Variants in NXN observed in about 807,000 individuals in gnomAD.
NXN encodes the protein nucleoredoxin.
In NXN, 16 loss-of-function variants were observed where a neutral mutation model predicts 48.6. That is an observed-to-expected ratio of 0.33 (90% CI 0.22 to 0.50). The LOEUF is 0.50. Ranked by LOEUF, NXN falls within the 20% of genes least tolerant of loss-of-function variation. The pLI, the probability that NXN is intolerant of heterozygous loss-of-function variation, is 0.98. For missense variants in NXN, 492 were observed against 605.5 expected, an observed-to-expected ratio of 0.81 and a Z score of 1.97; for synonymous variants, 281 against 269.6, an observed-to-expected ratio of 1.04 and a Z score of -0.41.
At chr17:947,247 G>A (rs890465964) in intron 1 of NXN, among the ~76,000 whole-genome samples, 18 of 152,182 alleles carry the variant, frequency 1.2e-4, no homozygotes, top group African/African-American at 3.6e-4. Flanking sequence ...GGTCACAAGC[G>A]TGACGGGGAC....
chr17:833,962 G>A (rs987123076), intron 1 of NXN, among the ~76,000 whole-genome samples: 6 of 152,230 alleles, frequency 3.9e-5, no homozygotes, highest in African/African-American at 1.4e-4. Flanking sequence ...CAGAGCTCAT[G>A]CCTTCAGGAT....
intron 1 of NXN, among the ~76,000 whole-genome samples, chr17:969,530 C>T (rs1270249518): frequency 2.0e-5 from 3 of 152,204 alleles, no homozygotes; most frequent in East Asian, 3.9e-4. Context: ...CACGCCTATT[C>T]GGGGCTCCGG....
At chr17:946,458 C>A (rs1456536596) in intron 1 of NXN, among the ~76,000 whole-genome samples, 1 of 152,232 alleles carries the variant, frequency 6.6e-6, no homozygotes, top group Non-Finnish European at 1.5e-5. Flanking sequence ...TGAGCCACCA[C>A]ACCCGGCCAA....
chr17:971,302 T>C (rs2069375226), intron 1 of NXN, among the ~76,000 whole-genome samples: 1 of 152,092 alleles, frequency 6.6e-6, no homozygotes, highest in Non-Finnish European at 1.5e-5. Flanking sequence ...AGTCAAGCTT[T>C]TTCCTATTTT....
chr17:969,301 C>A (rs2069344109), intron 1 of NXN, among the ~76,000 whole-genome samples: 1 of 152,188 alleles, frequency 6.6e-6, no homozygotes, highest in Non-Finnish European at 1.5e-5. Flanking sequence ...AATTCCAGAA[C>A]TGGCCCCAAA....
intron 1 of NXN, among the ~76,000 whole-genome samples, chr17:921,744 G>C (rs374641385): frequency 7.7e-6 from 1 of 129,800 alleles, no homozygotes; most frequent in Non-Finnish European, 1.6e-5. Context: ...GACAACACCT[G>C]GCCGGCCCAG....
At chr17:834,232 G>C (rs544578021) in intron 1 of NXN, among the ~76,000 whole-genome samples, 2 of 152,294 alleles carry the variant, frequency 1.3e-5, no homozygotes, top group East Asian at 3.9e-4. Context: ...TGAGGTAAGA[G>C]GATGCTTTGA....
Position 800,831 on chromosome 17 carries a change from G to T in NXN, c.*118C>A. The T allele has an allele frequency of 1.7e-6, 1 of 602,398 alleles. No individual in the cohort carries two copies. Among genetic ancestry groups the T allele is most frequent in the Non-Finnish European group, 2.5e-6 (1 of 393,074 alleles). The allele number at this position is 602,398 out of a possible 1,614,324, so 37.3% of individuals were successfully genotyped here. A position where few individuals can be genotyped will look rare whatever the true frequency, so the allele number is the denominator to read the frequency against. On this transcript the variant is annotated 3_prime_UTR_variant, in exon 8 of 8. Transcript: ENST00000336868. ...CTGCAGAAACAAGGCACCACAGAGA[G>T]GCTGGACACTTGGGTGGTGGGATTC...
chr17:898,253 T>A (rs1293353126), intron 1 of NXN, among the ~76,000 whole-genome samples: 1 of 152,144 alleles, frequency 6.6e-6, no homozygotes, highest in Non-Finnish European at 1.5e-5. Flanking sequence ...CCCCCAAGAC[T>A]GGACAAACAA....
intron 1 of NXN, among the ~76,000 whole-genome samples, chr17:835,491 T>C (rs1028966021): frequency 1.3e-5 from 2 of 152,122 alleles, no homozygotes; most frequent in Admixed American, 1.3e-4. Context: ...ATCCAGTTAC[T>C]TGAAAGTTCC....
chr17:826,981 T>C (rs975607146), intron 1 of NXN, among the ~76,000 whole-genome samples: 1 of 152,228 alleles, frequency 6.6e-6, no homozygotes. Flanking sequence ...GTTCGTTCAC[T>C]GCCGTCGGGG....
chr17:840,827 C>T (rs1914125734), intron 1 of NXN, among the ~76,000 whole-genome samples: 1 of 152,200 alleles, frequency 6.6e-6, no homozygotes, highest in Non-Finnish European at 1.5e-5. Context: ...GCTCCAAATG[C>T]TGTCAAACAC....
intron 1 of NXN, among the ~76,000 whole-genome samples, chr17:890,798 C>T (rs72631494): frequency 0.031 from 4,757 of 152,088 alleles, 208 homozygotes; most frequent in East Asian, 0.19. Context: ...TCTCTTGATC[C>T]ATATTTACAT....
At chr17:895,307 G>T (rs1041427813) in intron 1 of NXN, among the ~76,000 whole-genome samples, 2 of 151,554 alleles carry the variant, frequency 1.3e-5, no homozygotes, top group African/African-American at 4.8e-5. Context: ...ATGAGCCACC[G>T]CGCCTGGCCC....
intron 1 of NXN, among the ~76,000 whole-genome samples, chr17:924,236 C>CTTAT (rs112872437): frequency 0.87 from 131,899 of 151,486 alleles, 58,110 homozygotes; most frequent in East Asian, 1. Flanking sequence ...TTTGGGACAG[C>CTTAT]TTATTTATTT....
At chr17:950,731 C>T (rs996265897) in intron 1 of NXN, among the ~76,000 whole-genome samples, 1 of 152,026 alleles carries the variant, frequency 6.6e-6, no homozygotes, top group South Asian at 2.1e-4. Flanking sequence ...AGGATGCCAC[C>T]GAGTGGACGG....
chr17:805,351 G>A lies in NXN; in HGVS notation c.821-104C>T, dbSNP rs1911436457. ...CCGGGGTCCCCCCGACCGTGGTGGA[G>A]CCCACCGAGGACCTGGTACAGGCTC... On this transcript the variant is annotated intron_variant, in intron 5 of 7. Coordinates refer to ENST00000336868, the MANE Select transcript of NXN (RefSeq NM_022463.5). 3 of 1,220,728 alleles carry A rather than the reference G, an allele frequency of 2.5e-6. No homozygotes were observed. The South Asian group carries it at 4.5e-5, about 18-fold the overall frequency. The allele number at this position is 1,220,728 out of a possible 1,614,324, so 75.6% of individuals were successfully genotyped here. A position where few individuals can be genotyped will look rare whatever the true frequency, so the allele number is the denominator to read the frequency against.
At chr17:876,965 G>A (rs1197987104) in intron 1 of NXN, among the ~76,000 whole-genome samples, 2 of 151,866 alleles carry the variant, frequency 1.3e-5, no homozygotes, top group Non-Finnish European at 1.5e-5. Flanking sequence ...GGAGAATGGT[G>A]TGAACTCGGG....
intron 1 of NXN, among the ~76,000 whole-genome samples, chr17:827,891 G>T (rs537963648): frequency 6.6e-6 from 1 of 152,170 alleles, no homozygotes; most frequent in Non-Finnish European, 1.5e-5. Context: ...CATCCGAAGC[G>T]GTGAGGGGCA....
Sources: allele counts gnomAD v4.1 joint callset (sites outside exome capture counted in the v4.1 genomes callset), GRCh38; gene constraint gnomAD v4.1.1; transcripts MANE v1.5; gene names NCBI Gene and HGNC (gene_info 2026-07-23, HGNC 2026-07-21).